The following ITFG1 variants were observed in gnomAD, a reference collection of about 807,000 sequenced individuals.
The protein encoded by ITFG1 is integrin alpha FG-GAP repeat containing 1.
Under a neutral mutation model 81.8 loss-of-function variants are expected in ITFG1, and 34 were observed. The ratio of observed to expected loss-of-function variants is 0.42; its 90% CI spans 0.32 to 0.55. ITFG1 has a LOEUF of 0.55. Ranked by LOEUF, ITFG1 falls within the 20% of genes least tolerant of loss-of-function variation. ITFG1 has a pLI of 0.17. For missense variants in ITFG1, 672 were observed against 755.4 expected, an observed-to-expected ratio of 0.89 and a Z score of 1.29; for synonymous variants, 285 against 270.6, an observed-to-expected ratio of 1.05 and a Z score of -0.52.
chr16:47,218,769 T>C (rs1320896390), intron 14 of ITFG1, 99 bp downstream of exon 14: 1 of 565,160 alleles, frequency 1.8e-6, no homozygotes, highest in Non-Finnish European at 3.0e-6. Flanking sequence ...GAAGATGTTA[T>C]TAAGGAGTGT....
intron 13 of ITFG1, 68 bp downstream of exon 13, chr16:47,237,897 T>C: frequency 1.4e-6 from 1 of 711,362 alleles, no homozygotes; most frequent in Non-Finnish European, 2.4e-6. Flanking sequence ...ATAACAACTA[T>C]TTTGTGTGTG....
intron 6 of ITFG1, among the ~76,000 whole-genome samples, chr16:47,407,876 A>G (rs1968749342): frequency 6.6e-6 from 1 of 152,202 alleles, no homozygotes; most frequent in African/African-American, 2.4e-5. Flanking sequence ...ATATGTTATT[A>G]GTATGCAGGG....
intron 8 of ITFG1, among the ~76,000 whole-genome samples, chr16:47,341,422 A>G (rs1455959542): frequency 2.0e-5 from 3 of 150,144 alleles, no homozygotes; most frequent in African/African-American, 7.3e-5. Context: ...AAAAAGAAAA[A>G]AAAAAAGAAA....
At chr16:47,281,978 T>C (rs1304634578) in intron 10 of ITFG1, among the ~76,000 whole-genome samples, 1 of 152,066 alleles carries the variant, frequency 6.6e-6, no homozygotes. Context: ...ACTCATTAAA[T>C]AATTTCTCAT....
chr16:47,369,224 C>T (rs1052643226), intron 7 of ITFG1, among the ~76,000 whole-genome samples: 66 of 152,150 alleles, frequency 4.3e-4, no homozygotes, highest in African/African-American at 1.5e-3. Context: ...ATGATCAATA[C>T]TGTTTTTCAT....
chr16:47,282,757 G>GT (rs1401243585), intron 10 of ITFG1, among the ~76,000 whole-genome samples: 1 of 151,994 alleles, frequency 6.6e-6, no homozygotes, highest in Non-Finnish European at 1.5e-5. Context: ...CCAACATGTT[G>GT]TTTTTTGACT....
chr16:47,250,504 T>G (rs187477797), intron 12 of ITFG1, among the ~76,000 whole-genome samples: 1 of 152,204 alleles, frequency 6.6e-6, no homozygotes, highest in East Asian at 1.9e-4. Flanking sequence ...TTTGTCTGAT[T>G]TAATAATTTC....
At chr16:47,168,718 C>T (rs533081056) in intron 14 of ITFG1, among the ~76,000 whole-genome samples, 1 of 152,018 alleles carries the variant, frequency 6.6e-6, no homozygotes, top group East Asian at 1.9e-4. Flanking sequence ...AAAAGCTTTA[C>T]ATTTTTGCAG....
rs577667128 is a variant in ITFG1, at chr16:47,311,048, G to GA, written c.1070+191dup. Among the ~76,000 whole-genome samples, 724 of 133,234 alleles carry GA rather than the reference G, an allele frequency of 5.4e-3. 1 individual carries two copies. Among genetic ancestry groups the GA allele is most frequent in the Admixed American group, 6.3e-3 (83 of 13,244 alleles). 87.4% of individuals were successfully genotyped at this position (133,234 alleles called of 152,430 possible). A position where few individuals can be genotyped will look rare whatever the true frequency, so the allele number is the denominator to read the frequency against. On this transcript the variant is annotated intron_variant, in intron 10 of 17. Coordinates refer to ENST00000320640, the MANE Select transcript of ITFG1 (RefSeq NM_030790.5). Reference sequence around the variant, plus strand: ...TTTGTTTTACAGATAATGAATCTGTGAAAAAAAAAAAAACAACTAAGCAGT... The same window carrying GA: ...TTTGTTTTACAGATAATGAATCTGTGAAAAAAAAAAAAAACAACTAAGCAGT...
chr16:47,410,845 G>A (rs1968801358), intron 6 of ITFG1, among the ~76,000 whole-genome samples: 1 of 152,204 alleles, frequency 6.6e-6, no homozygotes, highest in Non-Finnish European at 1.5e-5. Flanking sequence ...CAGGGCATCT[G>A]TGGCAAAACA....
At chr16:47,175,394 TA>T (rs1965012338) in intron 14 of ITFG1, among the ~76,000 whole-genome samples, 1 of 151,522 alleles carries the variant, frequency 6.6e-6, no homozygotes. Flanking sequence ...TTTAATTAAA[TA>T]AACAAGAAAA....
chr16:47,250,587 A>C (rs1162352746), intron 12 of ITFG1, among the ~76,000 whole-genome samples: 2 of 152,218 alleles, frequency 1.3e-5, no homozygotes, highest in African/African-American at 4.8e-5. Context: ...GAATTAAAAA[A>C]CAGAAAACAT....
chr16:47,249,280 G>T (rs1490892290), intron 12 of ITFG1, among the ~76,000 whole-genome samples: 2 of 152,060 alleles, frequency 1.3e-5, no homozygotes, highest in African/African-American at 4.8e-5. Flanking sequence ...TTAGCTGAGT[G>T]TGGGGGTGTA....
chr16:47,380,440 G>A (rs1369675878), intron 6 of ITFG1, among the ~76,000 whole-genome samples: 1 of 152,208 alleles, frequency 6.6e-6, no homozygotes, highest in African/African-American at 2.4e-5. Context: ...ACGCCAAAAA[G>A]TAAGGTTAAA....
intron 14 of ITFG1, among the ~76,000 whole-genome samples, chr16:47,180,244 C>G (rs1205905542): frequency 6.6e-6 from 1 of 152,118 alleles, no homozygotes; most frequent in South Asian, 2.1e-4. Flanking sequence ...TCAGTGATTA[C>G]GTGGAAGACA....
At chr16:47,298,277 G>A (rs1009354748) in intron 10 of ITFG1, among the ~76,000 whole-genome samples, 10 of 151,938 alleles carry the variant, frequency 6.6e-5, no homozygotes, top group African/African-American at 2.4e-4. Context: ...ATTTCCATGA[G>A]ATTCTTTACA....
intron 6 of ITFG1, among the ~76,000 whole-genome samples, chr16:47,411,491 C>T (rs368275394): frequency 1.2e-4 from 19 of 152,196 alleles, no homozygotes; most frequent in Admixed American, 2.0e-4. Flanking sequence ...GGCGCCATAC[C>T]GGCTGCACAC....
intron 14 of ITFG1, 90 bp downstream of exon 14, chr16:47,218,778 G>A (rs1965656814): frequency 3.1e-6 from 2 of 639,942 alleles, no homozygotes; most frequent in Non-Finnish European, 5.1e-6. Context: ...ATTAAGGAGT[G>A]TGAAAACATA....
intron 14 of ITFG1, among the ~76,000 whole-genome samples, chr16:47,162,924 G>A (rs778573924): frequency 1.5e-4 from 23 of 152,022 alleles, no homozygotes; most frequent in Middle Eastern, 3.4e-3. Flanking sequence ...TCCTCCTTCC[G>A]AGCCTCCCAA....
Sources: allele counts gnomAD v4.1 joint callset (sites outside exome capture counted in the v4.1 genomes callset), GRCh38; gene constraint gnomAD v4.1.1; transcripts MANE v1.5; gene names NCBI Gene and HGNC (gene_info 2026-07-23, HGNC 2026-07-21).